Variants in NCOA3 observed in about 807,000 individuals in gnomAD.
NCOA3 encodes the protein nuclear receptor coactivator 3, also known as CBP-interacting protein.
In NCOA3, 51 loss-of-function variants were observed where a neutral mutation model predicts 158.8. That is an observed-to-expected ratio of 0.32 (90% CI 0.26 to 0.41). The LOEUF (loss-of-function observed/expected upper bound fraction) is 0.41. NCOA3 is among the 10% of genes least tolerant of loss of function. The probability of loss-of-function intolerance (pLI) is 1.00; values close to 1 mark genes in which losing one functional copy is unlikely to be tolerated. For synonymous variants in NCOA3, 537 were observed against 592.4 expected (o/e 0.91, Z 1.36); for missense variants, 1,510 against 1,746.6 (o/e 0.86, Z 2.41).
At chr20:47,593,579 G>A (rs1481278678) in intron 2 of NCOA3, among the ~76,000 whole-genome samples, 1 of 150,104 alleles carries the variant, frequency 6.7e-6, no homozygotes, top group Non-Finnish European at 1.5e-5. Context: ...TCCTGACCTC[G>A]TGATCCGCCT....
chr20:47,616,559 CT>C (rs1400588936), intron 2 of NCOA3, among the ~76,000 whole-genome samples: 1 of 152,094 alleles, frequency 6.6e-6, no homozygotes, highest in Admixed American at 6.5e-5. Flanking sequence ...TAGCATACAA[CT>C]TTTTTTAGTG....
intron 1 of NCOA3, among the ~76,000 whole-genome samples, chr20:47,522,888 G>T (rs2084367016): frequency 7.0e-6 from 1 of 142,208 alleles, no homozygotes; most frequent in Admixed American, 6.9e-5. Flanking sequence ...TTCCAGAGAT[G>T]CTTTAAAAAA....
At chr20:47,550,665 T>C (rs563264011) in intron 1 of NCOA3, among the ~76,000 whole-genome samples, 9 of 152,294 alleles carry the variant, frequency 5.9e-5, no homozygotes, top group South Asian at 2.1e-4. Flanking sequence ...TCACTGAGAC[T>C]CTTATCATGT....
intron 1 of NCOA3, among the ~76,000 whole-genome samples, chr20:47,566,956 A>G (rs1391062216): frequency 6.6e-6 from 1 of 152,184 alleles, no homozygotes; most frequent in Non-Finnish European, 1.5e-5. Context: ...GTCAAAAAAG[A>G]AAAAGAAGAA....
rs148524295 is a variant in NCOA3 at position 47,549,022 on chromosome 20, G to A, written c.-98-34161G>A. ...GATGTAATGCATAAACTTCAAAGAT[G>A]TAAAAACTGTATTTAAAACATTTTT... is the stretch of plus-strand genomic sequence containing the variant. On this transcript the variant is annotated intron_variant, in intron 1 of 22. Coordinates refer to ENST00000371998, the MANE Select transcript of NCOA3 (RefSeq NM_181659.3). Among the ~76,000 whole-genome samples the A allele has an allele frequency of 6.9e-3, 1,051 of 152,214 alleles. 14 individuals are homozygous for A. Among genetic ancestry groups the A allele is most frequent in the African/African-American group, 0.024 (1,001 of 41,536 alleles).
chr20:47,588,131 CTTTTTTTTTTTTT>C (rs33989951), intron 2 of NCOA3, among the ~76,000 whole-genome samples: 16 of 78,566 alleles, frequency 2.0e-4, no homozygotes, highest in East Asian at 6.7e-4. Flanking sequence ...CTCCACCCCA[CTTTTTTTTTTTTT>C]TTTTTTTTTT....
chr20:47,596,973 C>G (rs1208777666), intron 2 of NCOA3, among the ~76,000 whole-genome samples: 1 of 152,166 alleles, frequency 6.6e-6, no homozygotes, highest in African/African-American at 2.4e-5. Flanking sequence ...TTTTATTTAT[C>G]ATAGGATTAG....
chr20:47,633,601 G>A lies in NCOA3; in HGVS notation c.929G>A (p.Gly310Glu), dbSNP rs2086458506. The change falls in exon 9 of 23, where the codon GGG (glycine) becomes GAG (glutamate). Residue 310 changes from glycine (G) to glutamate (E), a missense_variant. Around this residue, in one of 4 missense-constraint regions of NCOA3, gnomAD observed 309 missense variants for 427.1 expected, o/e 0.72. Coordinates refer to ENST00000371998, the MANE Select transcript of NCOA3 (RefSeq NM_181659.3). ...CAGAGATTTTTTAGTCTAAATGATG[G>A]GCAGTCATGGTCCCAGAAACGTCAC... ...CIQRFFSLNDGQSWSQKRHYQ... is the reference protein window; with the variant it reads ...CIQRFFSLNDEQSWSQKRHYQ... The A allele has an allele frequency of 6.2e-7, 1 of 1,613,946 alleles. No homozygotes were observed. Among genetic ancestry groups the A allele is most frequent in the East Asian group, 2.2e-5 (1 of 44,870 alleles).
At chr20:47,584,254 CACT>C (rs2085498991) in intron 2 of NCOA3, among the ~76,000 whole-genome samples, 1 of 152,022 alleles carries the variant, frequency 6.6e-6, no homozygotes, top group Admixed American at 6.6e-5. Context: ...ATGACTGCAC[CACT>C]ACACTTCAGC....
intron 2 of NCOA3, among the ~76,000 whole-genome samples, chr20:47,585,807 T>C (rs2085526736): frequency 6.6e-6 from 1 of 152,224 alleles, no homozygotes; most frequent in South Asian, 2.1e-4. Flanking sequence ...CAAATGGTAC[T>C]TTATCTGAGA....
At chr20:47,607,879 A>G (rs1403803137) in intron 2 of NCOA3, among the ~76,000 whole-genome samples, 1 of 152,234 alleles carries the variant, frequency 6.6e-6, no homozygotes, top group Non-Finnish European at 1.5e-5. Flanking sequence ...GATTGAATGC[A>G]GAAGTAAATA....
intron 2 of NCOA3, among the ~76,000 whole-genome samples, chr20:47,599,712 C>T (rs895866626): frequency 2.9e-4 from 44 of 152,152 alleles, no homozygotes; most frequent in African/African-American, 9.9e-4. Context: ...GTTAATTGCA[C>T]TCACTTCAAA....
In NCOA3 at chr20:47,628,036, T is replaced by A. The variant is rs1425864136; in HGVS notation, c.823+13T>A. 2 of 1,587,440 alleles carry A rather than the reference T, an allele frequency of 1.3e-6. No homozygotes were observed. The highest frequency in any genetic ancestry group is 1.7e-6 in the Non-Finnish European group (2 of 1,155,950). On this transcript the variant is annotated intron_variant, in intron 8 of 22. Transcript: ENST00000371998. ...CATGATCTTTCAGGTAAAAACTCTT[T>A]TTTTGTCTCTCTCTCTCTCTGTGTA...
chr20:47,517,079 G>A (rs930800204), intron 1 of NCOA3, among the ~76,000 whole-genome samples: 2 of 152,060 alleles, frequency 1.3e-5, no homozygotes, highest in Middle Eastern at 3.4e-3. Flanking sequence ...TTAGCCAGTC[G>A]TGGTGGCACA....
chr20:47,583,598 T>A (rs943888399), intron 2 of NCOA3, among the ~76,000 whole-genome samples: 1 of 152,240 alleles, frequency 6.6e-6, no homozygotes, highest in Non-Finnish European at 1.5e-5. Context: ...ACATATTTTG[T>A]ATGTTACATA....
intron 1 of NCOA3, among the ~76,000 whole-genome samples, chr20:47,552,418 T>C (rs2084939522): frequency 6.6e-6 from 1 of 152,230 alleles, no homozygotes; most frequent in Non-Finnish European, 1.5e-5. Flanking sequence ...ATATTTGCTT[T>C]TTGATATGAG....
rs140010942 is a variant in NCOA3, at chr20:47,647,886, GTTTT to G, written c.3546+527_3546+530del. ...CCATATAAGTAGATGAATGCCTGAG[GTTTT>G]TTTTTTGTTTGTTTGTTTGTTTTGT... On this transcript the variant is annotated intron_variant, in intron 18 of 22. Coordinates refer to ENST00000371998, the MANE Select transcript of NCOA3 (RefSeq NM_181659.3). Among the ~76,000 whole-genome samples, 267 of 130,784 alleles carry G rather than the reference GTTTT, an allele frequency of 2.0e-3. 4 individuals are homozygous for G. In the South Asian group the frequency reaches 0.06, roughly 30 times the overall value. The allele number at this position is 130,784 out of a possible 152,430, so 85.8% of individuals were successfully genotyped here. A position where few individuals can be genotyped will look rare whatever the true frequency, so the allele number is the denominator to read the frequency against.
At chr20:47,618,348 G>A (rs370403596) in intron 2 of NCOA3, among the ~76,000 whole-genome samples, 2 of 101,378 alleles carry the variant, frequency 2.0e-5, no homozygotes, top group South Asian at 3.4e-4. Context: ...TTTTCCCTTA[G>A]TTTTTTTTTT....
chr20:47,533,619 A>G (rs1314466799), intron 1 of NCOA3, among the ~76,000 whole-genome samples: 2 of 152,142 alleles, frequency 1.3e-5, no homozygotes, highest in Non-Finnish European at 2.9e-5. Flanking sequence ...AGCCTGTAAG[A>G]GTGCAAGGGT....
Sources: allele counts gnomAD v4.1 joint callset (sites outside exome capture counted in the v4.1 genomes callset), GRCh38; gene constraint gnomAD v4.1.1; regional missense constraint gnomAD v4.1.1; transcripts MANE v1.5; gene names NCBI Gene and HGNC (gene_info 2026-07-23, HGNC 2026-07-21).